The following NEBL variants were observed in gnomAD, a reference collection of about 807,000 sequenced individuals.
NEBL encodes nebulette.
NEBL carries 122 observed loss-of-function variants against 140.2 expected under a neutral mutation model. The ratio of observed to expected loss-of-function variants is 0.87; its 90% CI spans 0.75 to 1.01. The LOEUF is 1.01. NEBL is among the 50% of genes least tolerant of loss of function. The pLI is 0.00. For missense variants in NEBL, 1,365 were observed against 1,231.3 expected, an observed-to-expected ratio of 1.11 and a Z score of -1.62; for synonymous variants, 436 against 398.9, an observed-to-expected ratio of 1.09 and a Z score of -1.11.
intron 3 of NEBL, among the ~76,000 whole-genome samples, chr10:20,966,444 A>G (rs1430435683): frequency 6.6e-6 from 1 of 152,238 alleles, no homozygotes; most frequent in Non-Finnish European, 1.5e-5. Context: ...AAAATAAATA[A>G]CATGTGAAAA....
At chr10:20,833,739 GA>G (rs1245733580) in intron 14 of NEBL, among the ~76,000 whole-genome samples, 1 of 149,138 alleles carries the variant, frequency 6.7e-6, no homozygotes, top group African/African-American at 2.5e-5. Context: ...CTGGGCGACA[GA>G]GCGAGACTCC....
chr10:21,200,840 C>T (rs562089298), intron 3 of NEBL, among the ~76,000 whole-genome samples: 1 of 152,262 alleles, frequency 6.6e-6, no homozygotes, highest in East Asian at 1.9e-4. Context: ...GGCACAGTGG[C>T]TCACACCTGT....
At chr10:21,288,841 TATATATATAAAAA>T (rs1843102775) in intron 1 of NEBL, among the ~76,000 whole-genome samples, 1 of 88,962 alleles carries the variant, frequency 1.1e-5, no homozygotes, top group African/African-American at 4.6e-5. Flanking sequence ...TATATATATA[TATATATATAAAAA>T]TTTTTTTTTT....
At chr10:20,900,670 A>C (rs1847825622), upstream of NEBL, among the ~76,000 whole-genome samples, 1 of 128,036 alleles carries the variant, frequency 7.8e-6, no homozygotes, top group Non-Finnish European at 1.5e-5. Flanking sequence ...CTAAAATACA[A>C]AAAAAAAAAA....
intron 4 of NEBL, among the ~76,000 whole-genome samples, chr10:20,913,149 C>G (rs1389912689): frequency 6.6e-6 from 1 of 152,090 alleles, no homozygotes; most frequent in East Asian, 1.9e-4. Flanking sequence ...GATCAGCCAT[C>G]AGTGAGAGCT....
intron 7 of NEBL, among the ~76,000 whole-genome samples, chr10:20,863,327 TG>T (rs1363617344): frequency 6.6e-6 from 1 of 152,142 alleles, no homozygotes; most frequent in Non-Finnish European, 1.5e-5. Flanking sequence ...AAGCAGACCC[TG>T]AATGAAGGTG....
intron 3 of NEBL, among the ~76,000 whole-genome samples, chr10:21,205,134 A>G (rs1388260885): frequency 2.0e-5 from 3 of 152,226 alleles, no homozygotes; most frequent in African/African-American, 4.8e-5. Flanking sequence ...GCATCTTCCA[A>G]CCCAATATTA....
intron 2 of NEBL, among the ~76,000 whole-genome samples, chr10:21,122,074 G>A (rs537485281): frequency 6.6e-6 from 1 of 151,906 alleles, no homozygotes; most frequent in Non-Finnish European, 1.5e-5. Flanking sequence ...CACCCAGACT[G>A]GAATGCAGTG....
At chr10:20,970,906 C>A (rs1836542017) in intron 3 of NEBL, among the ~76,000 whole-genome samples, 1 of 152,070 alleles carries the variant, frequency 6.6e-6, no homozygotes, top group African/African-American at 2.4e-5. Context: ...AAAGTGAACA[C>A]AAGTAAGACA....
chr10:21,099,619 G>A (rs763932058), intron 2 of NEBL, among the ~76,000 whole-genome samples: 6 of 152,088 alleles, frequency 3.9e-5, no homozygotes, highest in East Asian at 1.9e-4. Flanking sequence ...GGCCGTAACT[G>A]CATTTGATAT....
chr10:20,890,327 C>T (rs1234516286), intron 2 of NEBL, among the ~76,000 whole-genome samples: 1 of 152,200 alleles, frequency 6.6e-6, no homozygotes, highest in Non-Finnish European at 1.5e-5. Context: ...TTTGGCCAAA[C>T]AGAAACACAG....
At chr10:20,939,706 C>T (rs1834735829) in intron 4 of NEBL, among the ~76,000 whole-genome samples, 1 of 152,030 alleles carries the variant, frequency 6.6e-6, no homozygotes, top group Non-Finnish European at 1.5e-5. Context: ...CGTGCAGAGA[C>T]ACACATAGGC....
At chr10:20,822,250 C>T (rs1461596928) in intron 19 of NEBL, among the ~76,000 whole-genome samples, 1 of 151,958 alleles carries the variant, frequency 6.6e-6, no homozygotes, top group Non-Finnish European at 1.5e-5. Flanking sequence ...TTTAAAATCC[C>T]CCAAGAACAA....
rs1014593419 is a variant in NEBL, at chr10:21,272,263, C to T, written n.183-20435G>A. On this transcript the variant is annotated intron_variant and non_coding_transcript_variant, in intron 1 of 8. Coordinates refer to the NEBL transcript ENST00000675702. ...TACAGGCGTAAGCCACCGCACCCGGCAAATATAAAAAATTTTTACGTGTCA... is the reference window on the plus strand; with the variant it reads ...TACAGGCGTAAGCCACCGCACCCGGTAAATATAAAAAATTTTTACGTGTCA... Among the ~76,000 whole-genome samples the T allele has an allele frequency of 3.4e-4, 51 of 151,660 alleles. 1 individual carries two copies. Among genetic ancestry groups the T allele is most frequent in the South Asian group, 2.5e-3 (12 of 4,798 alleles).
chr10:20,929,310 CTT>C (rs1296688722), intron 4 of NEBL, among the ~76,000 whole-genome samples: 3 of 151,782 alleles, frequency 2.0e-5, no homozygotes, highest in Admixed American at 6.6e-5. Flanking sequence ...CTTCAATAGA[CTT>C]ATTCACAGCT....
At chr10:20,939,160 AG>A (rs1834688658) in intron 4 of NEBL, among the ~76,000 whole-genome samples, 1 of 152,340 alleles carries the variant, frequency 6.6e-6, no homozygotes, top group African/African-American at 2.4e-5. Flanking sequence ...GTTGAAATGA[AG>A]GAAAAAAGGT....
intron 4 of NEBL, among the ~76,000 whole-genome samples, chr10:20,951,907 G>A (rs1201577995): frequency 2.0e-5 from 3 of 152,134 alleles, no homozygotes; most frequent in Non-Finnish European, 4.4e-5. Flanking sequence ...GCTAGTCTTT[G>A]TTAGACTTTC....
chr10:21,233,201 C>T (rs906090002), intron 3 of NEBL, among the ~76,000 whole-genome samples: 1 of 152,160 alleles, frequency 6.6e-6, no homozygotes, highest in Non-Finnish European at 1.5e-5. Flanking sequence ...GCTGGGACTA[C>T]AGGCACTCGC....
At chr10:20,954,801 C>CCCT (rs1322961830) in intron 4 of NEBL, among the ~76,000 whole-genome samples, 1 of 152,140 alleles carries the variant, frequency 6.6e-6, no homozygotes, top group African/African-American at 2.4e-5. Context: ...TCCGGGGACC[C>CCCT]CCTCCCATCT....
Sources: gnomAD v4.1 joint callset for allele counts (sites outside exome capture counted in the v4.1 genomes callset) on GRCh38, gnomAD v4.1.1 for gene constraint, MANE v1.5 for transcripts, NCBI Gene and HGNC (gene_info 2026-07-23, HGNC 2026-07-21) for gene names.